Variants in SYCP2 observed in about 807,000 individuals in gnomAD.
SYCP2 encodes synaptonemal complex lateral element protein.
In SYCP2, 55 loss-of-function variants were observed where a neutral mutation model predicts 211.3. That is an observed-to-expected ratio of 0.26 (90% CI 0.21 to 0.33). The LOEUF (loss-of-function observed/expected upper bound fraction) is 0.33, where lower values mean the gene tolerates loss of function less well. Ranked by LOEUF, SYCP2 falls within the 10% of genes least tolerant of loss-of-function variation. The pLI is 1.00. For missense variants in SYCP2, 1,731 were observed against 1,752.0 expected (o/e 0.99, Z 0.21); for synonymous variants, 570 against 555.2 (o/e 1.03, Z -0.37).
chr20:59,902,481 G>C (rs2060133096), intron 15 of SYCP2, among the ~76,000 whole-genome samples: 4 of 152,090 alleles, frequency 2.6e-5, no homozygotes, highest in Non-Finnish European at 5.9e-5. Flanking sequence ...CTTGTGGCAG[G>C]AATTCTATTG....
intron 19 of SYCP2, 73 bp downstream of exon 19, chr20:59,896,356 C>A: frequency 3.8e-6 from 3 of 782,054 alleles, no homozygotes; most frequent in South Asian, 1.7e-5. Context: ...AAATTATGTT[C>A]AGAATTGCCT....
At chr20:59,913,691 T>A (rs1329487233) in intron 12 of SYCP2, among the ~76,000 whole-genome samples, 1 of 152,104 alleles carries the variant, frequency 6.6e-6, no homozygotes, top group African/African-American at 2.4e-5. Flanking sequence ...AGTAAGCCAA[T>A]TTTGAACATC....
At chr20:59,928,548 A>G (rs1247230332) in intron 2 of SYCP2, among the ~76,000 whole-genome samples, 2 of 152,182 alleles carry the variant, frequency 1.3e-5, no homozygotes, top group African/African-American at 4.8e-5. Flanking sequence ...GAGAAGAAAA[A>G]TCACCTTATT....
At chr20:59,908,280 G>GA (rs202005478) in intron 14 of SYCP2, among the ~76,000 whole-genome samples, 88 of 151,096 alleles carry the variant, frequency 5.8e-4, no homozygotes, top group African/African-American at 2.0e-3. Flanking sequence ...AAAACAAAAC[G>GA]AAAAAAAACT....
chr20:59,931,723 T>G (rs2060745639), intron 2 of SYCP2, among the ~76,000 whole-genome samples: 1 of 152,188 alleles, frequency 6.6e-6, no homozygotes, highest in Non-Finnish European at 1.5e-5. Flanking sequence ...GGTTTTAGTT[T>G]CTAATCTACT....
intron 24 of SYCP2, among the ~76,000 whole-genome samples, chr20:59,889,575 TAA>T (rs1430020031): frequency 6.6e-6 from 1 of 152,002 alleles, no homozygotes; most frequent in Non-Finnish European, 1.5e-5. Flanking sequence ...AAAAATCTAG[TAA>T]ACACAAAATT....
chr20:59,867,035 AGAAAC>A (rs1430292455), intron 39 of SYCP2, among the ~76,000 whole-genome samples: 26 of 135,138 alleles, frequency 1.9e-4, no homozygotes, highest in Middle Eastern at 4.1e-3. Context: ...AAAAAAAAAA[AGAAAC>A]AGAAAAAACA....
chr20:59,893,679 A>G, intron 20 of SYCP2, 86 bp from the exon 21 acceptor site: 1 of 891,464 alleles, frequency 1.1e-6, no homozygotes, highest in Non-Finnish European at 1.7e-6. Flanking sequence ...GAGTCTTTTA[A>G]AACAAATCTG....
Position 59,891,974 on chromosome 20 carries a change from C to T in SYCP2, c.2364+16G>A. 1 of 1,557,450 alleles carries T rather than the reference C, an allele frequency of 6.4e-7. No individual in the cohort carries two copies. Among genetic ancestry groups the T allele is most frequent in the South Asian group, 1.3e-5 (1 of 79,116 alleles). On this transcript the variant is annotated intron_variant, in intron 24 of 44. Coordinates refer to ENST00000357552, the MANE Select transcript of SYCP2 (RefSeq NM_014258.4). The stretch of plus-strand genomic sequence containing the variant: ...TCTTATGGATATGCAGAAATCAAAA[C>T]ACATTGAAAGCTCACCATTTTTTTT...
intron 31 of SYCP2, among the ~76,000 whole-genome samples, chr20:59,879,820 TAA>T (rs1491478857): frequency 0.3 from 7,149 of 23,466 alleles, 450 homozygotes; most frequent in African/African-American, 0.52. Context: ...TAAATATAAA[TAA>T]ATATATATAT....
intron 15 of SYCP2, among the ~76,000 whole-genome samples, chr20:59,902,682 T>A (rs1260318820): frequency 6.6e-6 from 1 of 152,152 alleles, no homozygotes; most frequent in African/African-American, 2.4e-5. Flanking sequence ...TTATGAGGCC[T>A]GCCCAAGCAG....
intron 44 of SYCP2, among the ~76,000 whole-genome samples, chr20:59,864,936 T>A (rs1171786618): frequency 2.0e-5 from 3 of 152,044 alleles, no homozygotes; most frequent in African/African-American, 4.8e-5. Flanking sequence ...AGAATGCAGC[T>A]GCTGGTCTAC....
intron 31 of SYCP2, 145 bp from the exon 32 acceptor site, chr20:59,878,190 C>A: frequency 1.7e-6 from 1 of 600,962 alleles, no homozygotes. Context: ...AATAAGTGAA[C>A]CTCCATGTGG....
At position 59,867,747 on chromosome 20, in the gene SYCP2, G is replaced by A. The variant is rs368374646; in HGVS notation, c.4089C>T (p.Tyr1363=). The change falls in exon 39 of 45, where the codon TAC becomes TAT. Residue 1363 remains tyrosine, a synonymous_variant. Transcript: ENST00000357552. ...FAGIEMTYET[Y]ERLNSEFKRR... ...TCTTAAATTCTGAATTGAGCCTCTC[G>A]TAAGTCTCATAAGTCATCTCTATCC... 9.3e-5 allele frequency: 149 copies of A among 1,609,280 alleles called. No homozygotes were observed. Among genetic ancestry groups the A allele is most frequent in the Non-Finnish European group, 1.2e-4 (140 of 1,176,890 alleles).
At chr20:59,869,512 C>A (rs1445935089) in intron 36 of SYCP2, among the ~76,000 whole-genome samples, 3 of 151,654 alleles carry the variant, frequency 2.0e-5, no homozygotes, top group Non-Finnish European at 3.0e-5. Flanking sequence ...CCTATATATT[C>A]ACGAAACCAG....
rs1279953015 is a variant in SYCP2 at position 59,910,420 on chromosome 20, G to C, written c.972+1330C>G. Among the ~76,000 whole-genome samples, 440 of 111,464 alleles carry C rather than the reference G, an allele frequency of 3.9e-3. 5 individuals are homozygous for C. Among genetic ancestry groups the C allele is most frequent in the African/African-American group, 0.014 (392 of 27,222 alleles). 73.1% of individuals were successfully genotyped at this position (111,464 alleles called of 152,430 possible). On this transcript the variant is annotated intron_variant, in intron 14 of 44. Transcript: ENST00000357552. Reference sequence around the variant, plus strand: ...TTTTTTGAGACAGTCTCCCACTGTCGCCCAGGCTGGAGTGCAGTGGCCCGA... The same window carrying C: ...TTTTTTGAGACAGTCTCCCACTGTCCCCCAGGCTGGAGTGCAGTGGCCCGA...
chr20:59,901,916 T>C lies in SYCP2; in HGVS notation c.1034-106A>G. The stretch of plus-strand genomic sequence containing the variant: ...CAGATTAATTGAATCAAAATTCAAA[T>C]TCTCAATATTGAACAGTGTTTAAAT... On this transcript the variant is annotated intron_variant, in intron 15 of 44. Transcript: ENST00000357552. 7.8e-6 allele frequency: 7 copies of C among 892,088 alleles called. No individual in the cohort carries two copies. The East Asian group carries it at 1.6e-4, about 21-fold the overall frequency. The allele number at this position is 892,088 out of a possible 1,614,324, so 55.3% of individuals were successfully genotyped here.
At chr20:59,925,267 T>C (rs2060613202) in intron 2 of SYCP2, among the ~76,000 whole-genome samples, 1 of 151,968 alleles carries the variant, frequency 6.6e-6, no homozygotes. Flanking sequence ...ATGCTTAGTT[T>C]AATACTTACA....
intron 26 of SYCP2, 100 bp from the exon 27 acceptor site, chr20:59,882,265 C>T (rs940543957): frequency 2.6e-5 from 22 of 846,160 alleles, no homozygotes; most frequent in South Asian, 1.6e-4. Context: ...AATGAGATGT[C>T]ATCTCACCTC....
Sources: allele counts gnomAD v4.1 joint callset (sites outside exome capture counted in the v4.1 genomes callset), GRCh38; gene constraint gnomAD v4.1.1; transcripts MANE v1.5; gene names NCBI Gene and HGNC (gene_info 2026-07-23, HGNC 2026-07-21).